PTPRG: variants seen among roughly 807,000 people sequenced by gnomAD.
PTPRG encodes receptor-type tyrosine-protein phosphatase gamma.
Under a neutral mutation model 165.3 loss-of-function variants are expected in PTPRG, and 102 were observed. The observed-to-expected ratio is 0.62, with a 90% CI of 0.53 to 0.73. The LOEUF is 0.73. Ranked by LOEUF, PTPRG falls within the 30% of genes least tolerant of loss-of-function variation. PTPRG has a pLI of 0.00. For synonymous variants in PTPRG, 675 were observed against 669.5 expected (o/e 1.01, Z -0.13); for missense variants, 1,866 against 1,861.4 (o/e 1.00, Z -0.05).
At chr3:61,562,514 A>G (rs543923775) in intron 1 of PTPRG, 142 bp downstream of exon 1, 3 of 716,864 alleles carry the variant, frequency 4.2e-6, no homozygotes, top group East Asian at 2.6e-5. Flanking sequence ...GATAGGAGAA[A>G]AGGATTGCTC....
intron 1 of PTPRG, among the ~76,000 whole-genome samples, chr3:61,640,057 C>T (rs995706754): frequency 6.6e-6 from 1 of 152,162 alleles, no homozygotes; most frequent in Non-Finnish European, 1.5e-5. Flanking sequence ...ACAGACACTA[C>T]GTTTCTCTTT....
At chr3:61,770,678 A>G (rs1439000108) in intron 2 of PTPRG, 1 of 152,054 alleles carries the variant, frequency 6.6e-6, no homozygotes, top group Non-Finnish European at 1.5e-5. Context: ...TTTGAGACTG[A>G]CTCTTAAAAA....
intron 1 of PTPRG, among the ~76,000 whole-genome samples, chr3:61,711,295 G>A (rs2031542257): frequency 6.6e-6 from 1 of 152,156 alleles, no homozygotes; most frequent in Non-Finnish European, 1.5e-5. Context: ...CCAGTAATGG[G>A]ATTGCTGGGT....
chr3:62,037,409 G>GCA, intron 4 of PTPRG, among the ~76,000 whole-genome samples: 1 of 152,144 alleles, frequency 6.6e-6, no homozygotes, highest in Non-Finnish European at 1.5e-5. Context: ...ATTATAGGAT[G>GCA]TTTAGCAGCA....
At chr3:61,661,988 C>T (rs554878783) in intron 1 of PTPRG, among the ~76,000 whole-genome samples, 14 of 152,204 alleles carry the variant, frequency 9.2e-5, no homozygotes, top group African/African-American at 2.9e-4. Context: ...GTGTAGCTAG[C>T]GTGTTGACTA....
rs1157769185 is a variant in PTPRG at position 62,217,506 on chromosome 3, C to CA, written c.2156-1343dup. 6.6e-6 allele frequency: 1 copy of CA among 152,284 alleles called. No homozygotes were observed. The highest frequency in any genetic ancestry group is 1.5e-5 in the Non-Finnish European group (1 of 68,092). The allele number at this position is 152,284 out of a possible 1,614,324, so 9.4% of individuals were successfully genotyped here. A position where few individuals can be genotyped will look rare whatever the true frequency, so the allele number is the denominator to read the frequency against. On this transcript the variant is annotated intron_variant, in intron 12 of 29. Coordinates refer to ENST00000474889, the MANE Select transcript of PTPRG (RefSeq NM_002841.4). This position sits in a 1 kb window ranked among gnomAD's most constrained non-coding sequence, Gnocchi z 4.3. ...GCCTACCTTCTCTCACCTGGAAACTCAACCTGATTAGCTCTGCATTTAGTC... is the reference window on the plus strand; with the variant it reads ...GCCTACCTTCTCTCACCTGGAAACTCAAACCTGATTAGCTCTGCATTTAGTC...
At chr3:61,635,407 A>G (rs1701881789) in intron 1 of PTPRG, among the ~76,000 whole-genome samples, 1 of 151,270 alleles carries the variant, frequency 6.6e-6, no homozygotes, top group Non-Finnish European at 1.5e-5. Flanking sequence ...CCCAGGTTGG[A>G]GTGCAGCGGC....
chr3:61,740,970 G>T (rs1034514095), intron 1 of PTPRG, among the ~76,000 whole-genome samples: 1 of 152,018 alleles, frequency 6.6e-6, no homozygotes, highest in Non-Finnish European at 1.5e-5. Flanking sequence ...TACTTTTTGG[G>T]ACACTCACCG....
chr3:61,876,103 G>C lies in PTPRG; in HGVS notation c.191-113522G>C, dbSNP rs2037732598. ...AAAGAAGTGTTTACAATTAAAAGTAGTAATTAGAAGGGACATGACATGATT... is the reference window on the plus strand; with the variant it reads ...AAAGAAGTGTTTACAATTAAAAGTACTAATTAGAAGGGACATGACATGATT... On this transcript the variant is annotated intron_variant, in intron 2 of 29. Coordinates refer to ENST00000474889, the MANE Select transcript of PTPRG (RefSeq NM_002841.4). 2.6e-5 allele frequency among the ~76,000 whole-genome samples: 4 copies of C among 152,348 alleles called. No individual in the cohort carries two copies. The South Asian group carries it at 8.3e-4, about 32-fold the overall frequency.
At chr3:61,870,175 G>A (rs1218652635) in intron 2 of PTPRG, among the ~76,000 whole-genome samples, 2 of 151,838 alleles carry the variant, frequency 1.3e-5, no homozygotes, top group East Asian at 1.9e-4. Context: ...TGTGACCTTA[G>A]GACAAAAGGG....
chr3:62,078,221 A>G lies in PTPRG; in HGVS notation c.578A>G (p.Glu193Gly). The change falls in exon 5 of 30, where the codon GAG becomes GGG. Residue 193 changes from glutamate (E) to glycine (G), a missense_variant. By Grantham distance (98) the Glu-to-Gly change is moderately conservative (BLOSUM62 -2). Around this residue, in one of 3 missense-constraint regions of PTPRG, gnomAD observed 408 missense variants for 376.2 expected, o/e 1.08. Coordinates refer to ENST00000474889, the MANE Select transcript of PTPRG (RefSeq NM_002841.4). ...DFDSFQTAIS[E>G]NRIIGAMAIF... ...GACAGCTTTCAAACCGCAATTTCTG[A>G]GAACAGAATAATCGGAGCCATGGCC... 1 of 1,610,300 alleles carries G rather than the reference A, an allele frequency of 6.2e-7. No individual in the cohort carries two copies. Among genetic ancestry groups the G allele is most frequent in the Non-Finnish European group, 8.5e-7 (1 of 1,178,068 alleles).
At chr3:62,142,620 T>C (rs2106646917) in intron 6 of PTPRG, among the ~76,000 whole-genome samples, 1 of 152,284 alleles carries the variant, frequency 6.6e-6, no homozygotes, top group Middle Eastern at 3.4e-3. Flanking sequence ...GACAGCACTT[T>C]TTAAAAACTT....
At chr3:62,226,177 A>C (rs1265673553) in intron 13 of PTPRG, among the ~76,000 whole-genome samples, 1 of 152,222 alleles carries the variant, frequency 6.6e-6, no homozygotes, top group East Asian at 1.9e-4. Context: ...TTCATAGCCC[A>C]CTGGGTTAGC....
intron 3 of PTPRG, among the ~76,000 whole-genome samples, chr3:61,995,101 TTTTTTG>T (rs1355085177): frequency 1.7e-4 from 21 of 123,416 alleles, no homozygotes; most frequent in African/African-American, 6.7e-4. Context: ...TTTTTTTTTT[TTTTTTG>T]AGACAGAGTC....
intron 12 of PTPRG, among the ~76,000 whole-genome samples, chr3:62,204,320 G>C (rs1700172836): frequency 6.6e-6 from 1 of 152,122 alleles, no homozygotes; most frequent in Non-Finnish European, 1.5e-5. Flanking sequence ...TGGCTAGTTT[G>C]GTGCCAGGGA....
Position 62,219,001 on chromosome 3 carries a change from T to C in PTPRG, c.2288+18T>C. On this transcript the variant is annotated intron_variant, in intron 13 of 29. Transcript: ENST00000474889. The surrounding 1 kb of genome is among the most constrained non-coding windows in gnomAD (Gnocchi z 4.5). ...TACTGGAGGTAAGCCAGGCAGCACC[T>C]ACAGCGTAGATTTGGGGGCCAGATG... is the stretch of plus-strand genomic sequence containing the variant. The C allele has an allele frequency of 6.2e-7, 1 of 1,612,718 alleles. No individual in the cohort carries two copies. Among genetic ancestry groups the C allele is most frequent in the South Asian group, 1.1e-5 (1 of 90,718 alleles).
Position 62,195,791 on chromosome 3 carries a change from T to G in PTPRG, c.1327+621T>G, listed in dbSNP as rs373747250. The stretch of plus-strand genomic sequence containing the variant: ...AGACATAACATTTTAGTGGGATTTT[T>G]TTTGTTTGTTTGTTTGTTTTGAGAT... On this transcript the variant is annotated intron_variant, in intron 10 of 29. Transcript: ENST00000474889. The surrounding 1 kb of genome is among the most constrained non-coding windows in gnomAD (Gnocchi z 4.4). Among the ~76,000 whole-genome samples the G allele has an allele frequency of 1.8e-3, 267 of 152,048 alleles. 9 individuals are homozygous for G. In the South Asian group the frequency reaches 0.048, roughly 28 times the overall value.
At chr3:62,287,505 A>G (rs1702710657) in intron 28 of PTPRG, among the ~76,000 whole-genome samples, 1 of 152,222 alleles carries the variant, frequency 6.6e-6, no homozygotes, top group South Asian at 2.1e-4. Flanking sequence ...ACATTAATTC[A>G]TGAAACTAAA....
At chr3:62,067,701 G>A (rs6780282) in intron 4 of PTPRG, among the ~76,000 whole-genome samples, 208 of 152,186 alleles carry the variant, frequency 1.4e-3, no homozygotes, top group African/African-American at 4.0e-3. Context: ...CCTTGCATGC[G>A]CAGTTCATAA....
Sources: allele counts gnomAD v4.1 joint callset (sites outside exome capture counted in the v4.1 genomes callset), GRCh38; gene constraint gnomAD v4.1.1; regional missense constraint gnomAD v4.1.1; non-coding constraint Gnocchi (gnomAD v3.1); transcripts MANE v1.5; gene names NCBI Gene and HGNC (gene_info 2026-07-23, HGNC 2026-07-21).